Variants in PGM5 observed in about 807,000 individuals in gnomAD.
PGM5 encodes the protein phosphoglucomutase-like protein 5.
A neutral mutation model predicts 59.2 loss-of-function variants in PGM5; 23 were observed. The ratio of observed to expected loss-of-function variants is 0.39; its 90% CI spans 0.28 to 0.55. PGM5 has a LOEUF of 0.55. Among genes scored for constraint, PGM5 ranks in the 20% least tolerant of loss-of-function variants. The pLI is 0.66. For missense variants in PGM5, 574 were observed against 748.3 expected (o/e 0.77, Z 2.72); for synonymous variants, 214 against 286.0 (o/e 0.75, Z 2.54).
At chr9:68,505,926 A>G (rs367610948) in intron 10 of PGM5, among the ~76,000 whole-genome samples, 10 of 152,188 alleles carry the variant, frequency 6.6e-5, no homozygotes. Flanking sequence ...CTCCACCTGA[A>G]ACTATGTTGG....
intron 1 of PGM5, among the ~76,000 whole-genome samples, chr9:68,367,601 T>C (rs1296852049): frequency 1.3e-5 from 2 of 152,188 alleles, no homozygotes; most frequent in African/African-American, 2.4e-5. Flanking sequence ...ATCTCCCAAA[T>C]GTAAAGTGAT....
At chr9:68,463,538 G>A (rs1233186841) in intron 6 of PGM5, among the ~76,000 whole-genome samples, 4 of 152,112 alleles carry the variant, frequency 2.6e-5, no homozygotes, top group African/African-American at 9.7e-5. Flanking sequence ...GAGAAATTAA[G>A]CAGATCTGGG....
chr9:68,415,577 T>C (rs1345639526), intron 6 of PGM5, among the ~76,000 whole-genome samples: 1 of 130,190 alleles, frequency 7.7e-6, no homozygotes, highest in East Asian at 2.1e-4. Context: ...CCAACTTTAC[T>C]TAGACATAAC....
At chr9:68,379,221 A>G (rs185358447) in intron 2 of PGM5, among the ~76,000 whole-genome samples, 1 of 152,322 alleles carries the variant, frequency 6.6e-6, no homozygotes, top group East Asian at 1.9e-4. Context: ...AAATCAGGAT[A>G]CATCTAAGGA....
At chr9:68,486,819 C>G (rs142477512) in intron 9 of PGM5, among the ~76,000 whole-genome samples, 33 of 152,290 alleles carry the variant, frequency 2.2e-4, no homozygotes, top group African/African-American at 5.8e-4. Context: ...CAAATGGTAT[C>G]TCTATGTTTA....
intron 7 of PGM5, among the ~76,000 whole-genome samples, chr9:68,478,662 C>T (rs1374489693): frequency 1.3e-5 from 2 of 152,158 alleles, no homozygotes; most frequent in African/African-American, 4.8e-5. Context: ...TGACTTGTGG[C>T]GGCACAACTG....
chr9:68,447,777 A>T (rs782119780), intron 6 of PGM5, among the ~76,000 whole-genome samples: 6 of 152,212 alleles, frequency 3.9e-5, no homozygotes, highest in Non-Finnish European at 8.8e-5. Flanking sequence ...ACATCTTGGC[A>T]TGATTCAGTG....
chr9:68,389,122 T>C lies in PGM5; in HGVS notation c.697+1534T>C, dbSNP rs548647610. Among the ~76,000 whole-genome samples, 19 of 152,212 alleles carry C rather than the reference T, an allele frequency of 1.2e-4. No individual in the cohort carries two copies. In the East Asian group the frequency reaches 3.7e-3, roughly 29 times the overall value. Reference sequence around the variant, plus strand: ...TTCCTTGACTTTATCTTCCAGTCCTTTAGTTCTACCATTATATTTTTAATT... The same window carrying C: ...TTCCTTGACTTTATCTTCCAGTCCTCTAGTTCTACCATTATATTTTTAATT... On this transcript the variant is annotated intron_variant, in intron 4 of 10. Transcript: ENST00000396396.
chr9:68,475,414 A>T (rs1824088962), intron 7 of PGM5, among the ~76,000 whole-genome samples: 1 of 152,098 alleles, frequency 6.6e-6, no homozygotes, highest in Admixed American at 6.5e-5. Flanking sequence ...AGAGAGGAAA[A>T]GCATCTGCAG....
At chr9:68,390,773 C>T (rs1161718028) in intron 4 of PGM5, among the ~76,000 whole-genome samples, 14 of 152,256 alleles carry the variant, frequency 9.2e-5, no homozygotes, top group South Asian at 6.2e-4. Flanking sequence ...TATATTATTC[C>T]GTCAAGTTCC....
chr9:68,357,114 G>C lies in PGM5; in HGVS notation c.-14G>C. 1 of 1,503,382 alleles carries C rather than the reference G, an allele frequency of 6.7e-7. No homozygotes were observed. The highest frequency in any genetic ancestry group is 8.8e-7 in the Non-Finnish European group (1 of 1,130,442). The allele number at this position is 1,503,382 out of a possible 1,614,324, so 93.1% of individuals were successfully genotyped here. On this transcript the variant is annotated 5_prime_UTR_variant, in exon 1 of 11. Coordinates refer to ENST00000396396, the MANE Select transcript of PGM5 (RefSeq NM_021965.4). ...CGGCTCCGGGAGCCGCAGCAGGACC[G>C]GCCAGGAGGCGCCATGGAGGGGAGC... is the stretch of plus-strand genomic sequence containing the variant.
chr9:68,408,415 G>A (rs550202594), intron 6 of PGM5, among the ~76,000 whole-genome samples: 151 of 152,294 alleles, frequency 9.9e-4, no homozygotes, highest in African/African-American at 3.5e-3. Flanking sequence ...ACTTTTTGAT[G>A]GGGTTGTTTG....
At chr9:68,497,484 G>A (rs138828576) in intron 9 of PGM5, 1 of 151,972 alleles carries the variant, frequency 6.6e-6, no homozygotes, top group African/African-American at 2.4e-5. Context: ...ATTTATTTGG[G>A]GATTGAAACA....
rs1200430950 is a variant in PGM5, at chr9:68,409,908, G to A, written c.1043+17435G>A. Reference sequence around the variant, plus strand: ...AAAAAAGAACAAAGCAAAAAAATGTGAGTGTGTGACTGAGGTGGTACATCT... The same window carrying A: ...AAAAAAGAACAAAGCAAAAAAATGTAAGTGTGTGACTGAGGTGGTACATCT... On this transcript the variant is annotated intron_variant, in intron 6 of 10. Coordinates refer to ENST00000396396, the MANE Select transcript of PGM5 (RefSeq NM_021965.4). Among the ~76,000 whole-genome samples the A allele has an allele frequency of 3.3e-5, 5 of 151,598 alleles. No individual in the cohort carries two copies. In the South Asian group the frequency reaches 6.2e-4, roughly 19 times the overall value.
At chr9:68,515,461 A>G (rs1397572899) in intron 10 of PGM5, among the ~76,000 whole-genome samples, 1 of 152,186 alleles carries the variant, frequency 6.6e-6, no homozygotes, top group Non-Finnish European at 1.5e-5. Flanking sequence ...AGTCCTTGCT[A>G]ACTTCTTTAG....
chr9:68,454,082 G>C (rs933965751), intron 6 of PGM5, among the ~76,000 whole-genome samples: 1 of 152,194 alleles, frequency 6.6e-6, no homozygotes, highest in East Asian at 1.9e-4. Context: ...CTTCCCTCCA[G>C]ATTTTAGTTG....
intron 10 of PGM5, among the ~76,000 whole-genome samples, chr9:68,508,653 A>G (rs1554689169): frequency 6.6e-6 from 1 of 152,220 alleles, no homozygotes; most frequent in African/African-American, 2.4e-5. Context: ...AAAAAGGAGC[A>G]TGAATGAATT....
intron 9 of PGM5, among the ~76,000 whole-genome samples, chr9:68,493,340 C>T (rs554679697): frequency 6.6e-6 from 1 of 152,322 alleles, no homozygotes; most frequent in South Asian, 2.1e-4. Context: ...ACCTACTCTA[C>T]ATAAGGCTCT....
chr9:68,477,659 G>A (rs532297192), intron 7 of PGM5, among the ~76,000 whole-genome samples: 1 of 152,338 alleles, frequency 6.6e-6, no homozygotes, highest in South Asian at 2.1e-4. Context: ...TCTGAAAGCA[G>A]GTATTGAGGA....
Sources: gnomAD v4.1 joint callset for allele counts (sites outside exome capture counted in the v4.1 genomes callset) on GRCh38, gnomAD v4.1.1 for gene constraint, MANE v1.5 for transcripts, NCBI Gene and HGNC (gene_info 2026-07-23, HGNC 2026-07-21) for gene names.